GNA14: variants seen among roughly 807,000 people sequenced by gnomAD.
GNA14 encodes the protein G protein subunit alpha 14.
In GNA14, 50 loss-of-function variants were observed where a neutral mutation model predicts 42.0. That is an observed-to-expected ratio of 1.19 (90% CI 0.95 to 1.51). The LOEUF (loss-of-function observed/expected upper bound fraction) is 1.51, where lower values mean the gene tolerates loss of function less well. GNA14 is among the 40% of genes most tolerant of loss of function. The probability of loss-of-function intolerance (pLI) is 0.00; values close to 1 mark genes in which losing one functional copy is unlikely to be tolerated. For missense variants in GNA14, 473 were observed against 446.2 expected (o/e 1.06, Z -0.54); for synonymous variants, 173 against 163.1 (o/e 1.06, Z -0.46).
chr9:77,577,417 C>A (rs1357478591), intron 1 of GNA14, among the ~76,000 whole-genome samples: 1 of 152,122 alleles, frequency 6.6e-6, no homozygotes, highest in Non-Finnish European at 1.5e-5. Context: ...CTGGCTTTAT[C>A]CTCCATCTAT....
intron 2 of GNA14, among the ~76,000 whole-genome samples, chr9:77,449,699 C>T (rs1231506919): frequency 6.6e-6 from 1 of 152,210 alleles, no homozygotes; most frequent in Non-Finnish European, 1.5e-5. Flanking sequence ...CCCCAATTCC[C>T]TGTCAAACAG....
At chr9:77,603,781 T>C (rs1016960901) in intron 1 of GNA14, among the ~76,000 whole-genome samples, 31 of 151,612 alleles carry the variant, frequency 2.0e-4, no homozygotes, top group Admixed American at 2.0e-3. Context: ...CTGGCTAACA[T>C]GGTGAAACCC....
intron 1 of GNA14, among the ~76,000 whole-genome samples, chr9:77,639,940 C>T (rs560753537): frequency 7.2e-5 from 11 of 152,302 alleles, no homozygotes; most frequent in African/African-American, 1.7e-4. Flanking sequence ...CTTGGATTTC[C>T]GCTAGTATAT....
chr9:77,438,888 A>G (rs1202631820), intron 2 of GNA14, among the ~76,000 whole-genome samples: 1 of 152,234 alleles, frequency 6.6e-6, no homozygotes, highest in African/African-American at 2.4e-5. Flanking sequence ...ATCACAGTAT[A>G]ATGATCAGCA....
intron 2 of GNA14, among the ~76,000 whole-genome samples, chr9:77,450,148 T>C (rs1835881432): frequency 6.6e-6 from 1 of 152,140 alleles, no homozygotes. Flanking sequence ...TGGGACTAAA[T>C]AAATTGCCCT....
At chr9:77,534,883 A>G (rs1587821382) in intron 1 of GNA14, among the ~76,000 whole-genome samples, 1 of 152,308 alleles carries the variant, frequency 6.6e-6, no homozygotes, top group East Asian at 1.9e-4. Context: ...TGTTTTGAAA[A>G]GCAACAAGGA....
chr9:77,550,824 G>A (rs1020653681), intron 1 of GNA14, among the ~76,000 whole-genome samples: 3 of 152,162 alleles, frequency 2.0e-5, no homozygotes, highest in African/African-American at 7.2e-5. Flanking sequence ...TATTCACAGG[G>A]TAAAGTGTGC....
rs112666608 is a variant in GNA14 at position 77,558,559 on chromosome 9, C to T, written c.125-29306G>A. On this transcript the variant is annotated intron_variant, in intron 1 of 6. Coordinates refer to ENST00000341700, the MANE Select transcript of GNA14 (RefSeq NM_004297.4). ...CAGACTTCTAAAGGAGGGAGATTTA[C>T]GGGGCTCCCAGATCGTACATCTAAC... 9.1e-4 allele frequency among the ~76,000 whole-genome samples: 138 copies of T among 152,238 alleles called. 1 individual carries two copies. The highest frequency in any genetic ancestry group is 1.7e-3 in the Non-Finnish European group (114 of 68,018).
At chr9:77,518,635 C>A (rs1837300167) in intron 2 of GNA14, among the ~76,000 whole-genome samples, 1 of 152,174 alleles carries the variant, frequency 6.6e-6, no homozygotes, top group Non-Finnish European at 1.5e-5. Flanking sequence ...TATCATCAAC[C>A]TTTTTACAAT....
At chr9:77,602,060 T>C (rs370813843) in intron 1 of GNA14, among the ~76,000 whole-genome samples, 1 of 152,222 alleles carries the variant, frequency 6.6e-6, no homozygotes, top group African/African-American at 2.4e-5. Context: ...TTAGTCACCA[T>C]TGGTCCTCAT....
At chr9:77,442,871 T>C (rs1331119321) in intron 2 of GNA14, among the ~76,000 whole-genome samples, 2 of 152,176 alleles carry the variant, frequency 1.3e-5, no homozygotes, top group African/African-American at 4.8e-5. Flanking sequence ...TGGCAAAAGA[T>C]CTGCCATGCA....
chr9:77,539,218 T>C (rs1160869551), intron 1 of GNA14, among the ~76,000 whole-genome samples: 3 of 152,214 alleles, frequency 2.0e-5, no homozygotes, highest in East Asian at 1.9e-4. Flanking sequence ...ATCATGAAGG[T>C]ATGTTGAATT....
At chr9:77,489,055 TC>T (rs1227805397) in intron 2 of GNA14, among the ~76,000 whole-genome samples, 1 of 152,078 alleles carries the variant, frequency 6.6e-6, no homozygotes, top group Non-Finnish European at 1.5e-5. Context: ...CAGAAGTTTA[TC>T]AGATAAATTG....
intron 2 of GNA14, among the ~76,000 whole-genome samples, chr9:77,464,433 T>C (rs1458743602): frequency 1.3e-5 from 2 of 152,070 alleles, no homozygotes; most frequent in African/African-American, 4.8e-5. Flanking sequence ...TCACTAACTT[T>C]TAACGTGAAG....
chr9:77,472,874 G>C (rs1482401286), intron 2 of GNA14, among the ~76,000 whole-genome samples: 5 of 151,940 alleles, frequency 3.3e-5, no homozygotes, highest in African/African-American at 1.2e-4. Context: ...GCCAGGAAGA[G>C]GGCCCTCACT....
chr9:77,602,877 T>C (rs1364442779), intron 1 of GNA14, among the ~76,000 whole-genome samples: 1 of 152,232 alleles, frequency 6.6e-6, no homozygotes, highest in Non-Finnish European at 1.5e-5. Flanking sequence ...AAATTCTCTA[T>C]AACTTTTGCC....
intron 2 of GNA14, among the ~76,000 whole-genome samples, chr9:77,520,000 C>T (rs150785242): frequency 1.0e-3 from 159 of 152,212 alleles, no homozygotes; most frequent in African/African-American, 3.5e-3. Flanking sequence ...CAGAGTGAGA[C>T]TCCATCTCAA....
rs541078711 is a variant in GNA14, at chr9:77,459,233, C to A, written c.310-24711G>T. 2.4e-5 allele frequency among the ~76,000 whole-genome samples: 3 copies of A among 124,200 alleles called. No homozygotes were observed. In the East Asian group the frequency reaches 6.4e-4, roughly 26 times the overall value. 81.5% of individuals were successfully genotyped at this position (124,200 alleles called of 152,430 possible). A position where few individuals can be genotyped will look rare whatever the true frequency, so the allele number is the denominator to read the frequency against. On this transcript the variant is annotated intron_variant, in intron 2 of 6. Coordinates refer to ENST00000341700, the MANE Select transcript of GNA14 (RefSeq NM_004297.4). ...CCTGGGCGACAGAGTGAGACCCAGT[C>A]TCAGGGAAAAAAAAGAAAAAAAAGA...
chr9:77,619,360 T>C (rs1372041953), intron 1 of GNA14, among the ~76,000 whole-genome samples: 1 of 152,036 alleles, frequency 6.6e-6, no homozygotes, highest in Non-Finnish European at 1.5e-5. Flanking sequence ...GCGCGTGTCA[T>C]CCAGCTAATT....
Sources: allele counts gnomAD v4.1 joint callset (sites outside exome capture counted in the v4.1 genomes callset), GRCh38; gene constraint gnomAD v4.1.1; transcripts MANE v1.5; gene names NCBI Gene and HGNC (gene_info 2026-07-23, HGNC 2026-07-21).